The following DCLK1 variants were observed in gnomAD, a reference collection of about 807,000 sequenced individuals.
DCLK1 encodes the protein doublecortin like kinase 1.
DCLK1 carries 16 observed loss-of-function variants against 86.2 expected under a neutral mutation model. The ratio of observed to expected loss-of-function variants is 0.19; its 90% CI spans 0.13 to 0.28. The LOEUF is 0.28. DCLK1 is among the 10% of genes least tolerant of loss of function. The pLI, the probability that DCLK1 is intolerant of heterozygous loss-of-function variation, is 1.00. For missense variants in DCLK1, 590 were observed against 940.2 expected (o/e 0.63, Z 4.87); for synonymous variants, 369 against 370.5 (o/e 1.00, Z 0.05).
At chr13:35,924,679 G>C (rs1475050694) in intron 4 of DCLK1, among the ~76,000 whole-genome samples, 2 of 152,062 alleles carry the variant, frequency 1.3e-5, no homozygotes, top group African/African-American at 2.4e-5. Context: ...GAAATGGAAG[G>C]CTTAGTATTC....
intron 5 of DCLK1, among the ~76,000 whole-genome samples, chr13:35,858,848 C>T (rs1401355648): frequency 2.6e-5 from 4 of 152,192 alleles, no homozygotes; most frequent in African/African-American, 7.2e-5. Flanking sequence ...ACATTGGGAA[C>T]AGCATGTACT....
chr13:36,105,836 C>T (rs1222203586), intron 3 of DCLK1, among the ~76,000 whole-genome samples: 1 of 152,162 alleles, frequency 6.6e-6, no homozygotes, highest in Non-Finnish European at 1.5e-5. Context: ...GGATAACTGA[C>T]TGACCAGCTG....
rs1278470328 is a variant in DCLK1, at chr13:36,125,432, TG to T, written c.376+329del. 6.6e-5 allele frequency among the ~76,000 whole-genome samples: 10 copies of T among 152,342 alleles called. No individual in the cohort carries two copies. In the East Asian group the frequency reaches 1.9e-3, roughly 29 times the overall value. On this transcript the variant is annotated intron_variant, in intron 2 of 16. Transcript: ENST00000360631. Reference sequence around the variant, plus strand: ...ATATCGTGATAGCAAAAGTTTAATTTGCATTTAGAAACGAATATAAACTATG... The same window carrying T: ...ATATCGTGATAGCAAAAGTTTAATTTCATTTAGAAACGAATATAAACTATG...
intron 3 of DCLK1, among the ~76,000 whole-genome samples, chr13:36,061,788 A>T (rs978906136): frequency 6.6e-6 from 1 of 152,190 alleles, no homozygotes; most frequent in African/African-American, 2.4e-5. Flanking sequence ...AAACAACCAA[A>T]CATTTAATAG....
At chr13:35,777,270 A>G (rs1010219682) in intron 16 of DCLK1, among the ~76,000 whole-genome samples, 2 of 152,196 alleles carry the variant, frequency 1.3e-5, no homozygotes, top group Non-Finnish European at 2.9e-5. Context: ...TTGGATTTGC[A>G]GACTCTTAAA....
At chr13:36,103,162 A>C (rs1885276899) in intron 3 of DCLK1, among the ~76,000 whole-genome samples, 1 of 152,190 alleles carries the variant, frequency 6.6e-6, no homozygotes, top group African/African-American at 2.4e-5. Flanking sequence ...GCGCTTTGGG[A>C]GGCTGAAGCT....
At chr13:36,131,535 C>A (rs889840152), upstream of DCLK1, among the ~76,000 whole-genome samples, 1 of 152,158 alleles carries the variant, frequency 6.6e-6, no homozygotes, top group Non-Finnish European at 1.5e-5. Flanking sequence ...AGGTCCTCCT[C>A]CCTCCCAGCG....
intron 3 of DCLK1, among the ~76,000 whole-genome samples, chr13:35,991,882 G>A (rs940502938): frequency 5.3e-5 from 8 of 152,134 alleles, no homozygotes; most frequent in Admixed American, 3.3e-4. Flanking sequence ...TCATCTATTT[G>A]GGGGTAATGC....
intron 5 of DCLK1, among the ~76,000 whole-genome samples, chr13:35,866,117 C>G (rs540589196): frequency 6.6e-6 from 1 of 152,200 alleles, no homozygotes; most frequent in South Asian, 2.1e-4. Flanking sequence ...GGACTCAGAG[C>G]AAAGCAGTTA....
At chr13:36,037,683 C>T (rs372830255) in intron 3 of DCLK1, among the ~76,000 whole-genome samples, 21 of 151,968 alleles carry the variant, frequency 1.4e-4, no homozygotes, top group African/African-American at 4.6e-4. Flanking sequence ...GGAGTTTCAC[C>T]ATGTTGGCCA....
rs1871030201 is a variant in DCLK1 at position 35,855,968 on chromosome 13, G to C, written c.941-1375C>G. On this transcript the variant is annotated intron_variant, in intron 5 of 16. Transcript: ENST00000360631. ...AATCAGGAAACCCTCACACAATTCA[G>C]TGGCAAGGTAGGATGTTTATTGATT... The C allele has an allele frequency of 7.3e-6, 4 of 547,092 alleles. No homozygotes were observed. In the Admixed American group the frequency reaches 1.9e-4, roughly 25 times the overall value. The allele number at this position is 547,092 out of a possible 1,614,324, so 33.9% of individuals were successfully genotyped here.
rs1474566701 is a variant in DCLK1, at chr13:35,845,171, C to T, written c.1036-5995G>A. Among the ~76,000 whole-genome samples, 3 of 152,220 alleles carry T rather than the reference C, an allele frequency of 2.0e-5. No individual in the cohort carries two copies. The East Asian group carries it at 5.8e-4, about 29-fold the overall frequency. ...GCTGGGGCACAAGAACCGCTTGAACCCAGAAGGCGGAGGTTGCAGTGAGCC... is the reference window on the plus strand; with the variant it reads ...GCTGGGGCACAAGAACCGCTTGAACTCAGAAGGCGGAGGTTGCAGTGAGCC... On this transcript the variant is annotated intron_variant, in intron 6 of 16. Coordinates refer to ENST00000360631, the MANE Select transcript of DCLK1 (RefSeq NM_001330071.2).
chr13:35,772,179 C>T lies in DCLK1; in HGVS notation c.*2356G>A, dbSNP rs560813804. 1.3e-5 allele frequency: 2 copies of T among 152,210 alleles called. No homozygotes were observed. Among genetic ancestry groups the T allele is most frequent in the Non-Finnish European group, 2.9e-5 (2 of 68,066 alleles). The allele number at this position is 152,210 out of a possible 1,614,324, so 9.4% of individuals were successfully genotyped here. A position where few individuals can be genotyped will look rare whatever the true frequency, so the allele number is the denominator to read the frequency against. On this transcript the variant is annotated 3_prime_UTR_variant, in exon 17 of 17. Transcript: ENST00000360631. Reference sequence around the variant, plus strand: ...TGCTGGGATCCCCATGCTGAATGGGCCCTGCATTCTTCTGAGCTGCCCTTC... The same window carrying T: ...TGCTGGGATCCCCATGCTGAATGGGTCCTGCATTCTTCTGAGCTGCCCTTC...
chr13:36,089,326 C>T (rs1386359443), intron 3 of DCLK1, among the ~76,000 whole-genome samples: 1 of 152,178 alleles, frequency 6.6e-6, no homozygotes, highest in Admixed American at 6.5e-5. Flanking sequence ...GGCCAGATGG[C>T]CTAGAGACCT....
intron 3 of DCLK1, among the ~76,000 whole-genome samples, chr13:35,971,939 C>A (rs1280404846): frequency 6.6e-6 from 1 of 152,062 alleles, no homozygotes; most frequent in Non-Finnish European, 1.5e-5. Flanking sequence ...CTTCTACCAG[C>A]TAATAATCCT....
At chr13:35,927,186 T>G (rs996366544) in intron 4 of DCLK1, among the ~76,000 whole-genome samples, 2 of 152,250 alleles carry the variant, frequency 1.3e-5, no homozygotes. Flanking sequence ...CCAAATTATC[T>G]GTCTGAAGGA....
At position 35,788,133 on chromosome 13, in the gene DCLK1, C is replaced by T. The variant is rs2086653430; in HGVS notation, c.2058+5233G>A. The T allele has an allele frequency of 6.9e-6, 9 of 1,310,816 alleles. No individual in the cohort carries two copies. The South Asian group carries it at 7.1e-5, about 10-fold the overall frequency. The allele number at this position is 1,310,816 out of a possible 1,614,324, so 81.2% of individuals were successfully genotyped here. A position where few individuals can be genotyped will look rare whatever the true frequency, so the allele number is the denominator to read the frequency against. ...GATAACAAATCAAAAGCATGTTTAT[C>T]CACCGAAGGAACTGGTTAATGGAGA... On this transcript the variant is annotated intron_variant, in intron 16 of 16. Coordinates refer to ENST00000360631, the MANE Select transcript of DCLK1 (RefSeq NM_001330071.2).
intron 16 of DCLK1, among the ~76,000 whole-genome samples, chr13:35,787,519 AT>A (rs1401801684): frequency 1.3e-5 from 2 of 152,190 alleles, no homozygotes; most frequent in Admixed American, 1.3e-4. Context: ...TTTTAAAAAA[AT>A]CGATACCTCC....
At chr13:35,781,301 C>T (rs184577896) in intron 16 of DCLK1, among the ~76,000 whole-genome samples, 48 of 152,264 alleles carry the variant, frequency 3.2e-4, no homozygotes, top group African/African-American at 1.1e-3. Context: ...AATTATGTGA[C>T]CTTGGACATG....
Sources: allele counts gnomAD v4.1 joint callset (sites outside exome capture counted in the v4.1 genomes callset), GRCh38; gene constraint gnomAD v4.1.1; transcripts MANE v1.5; gene names NCBI Gene and HGNC (gene_info 2026-07-23, HGNC 2026-07-21).